Variants in PLAA observed in about 807,000 individuals in gnomAD.
PLAA encodes the protein phospholipase A2 activating protein, also known as phospholipase A-2-activating protein.
PLAA carries 48 observed loss-of-function variants against 84.1 expected under a neutral mutation model. The observed-to-expected ratio is 0.57, with a 90% CI of 0.45 to 0.73. PLAA has a LOEUF of 0.73. Among genes scored for constraint, PLAA ranks in the 30% least tolerant of loss-of-function variants. The probability of loss-of-function intolerance (pLI) is 0.00; values close to 1 mark genes in which losing one functional copy is unlikely to be tolerated. For missense variants in PLAA, 903 were observed against 954.7 expected (o/e 0.95, Z 0.71); for synonymous variants, 392 against 336.6 (o/e 1.16, Z -1.80).
At chr9:26,917,274 C>T in intron 9 of PLAA, 109 bp from the exon 10 acceptor site, 1 of 789,252 alleles carries the variant, frequency 1.3e-6, no homozygotes, top group Admixed American at 2.4e-5. Context: ...AACAGAAGAG[C>T]AAAACTTTCA....
At chr9:26,942,296 G>A (rs1391106254) in intron 1 of PLAA, among the ~76,000 whole-genome samples, 1 of 152,180 alleles carries the variant, frequency 6.6e-6, no homozygotes, top group African/African-American at 2.4e-5. Flanking sequence ...CAAAAAAGTT[G>A]TTTTGGAAAC....
chr9:26,921,565 G>A (rs1206305633), intron 7 of PLAA, among the ~76,000 whole-genome samples: 1 of 152,196 alleles, frequency 6.6e-6, no homozygotes. Flanking sequence ...TTGAAAAAGA[G>A]AAGACAAGTC....
In PLAA at chr9:26,940,573, G is replaced by A. The variant is rs557807717; in HGVS notation, c.150-5367C>T. On this transcript the variant is annotated intron_variant, in intron 1 of 13. Coordinates refer to ENST00000397292, the MANE Select transcript of PLAA (RefSeq NM_001031689.3). ...AAAAAGAGTTAAAAGATGGATGGTG[G>A]TGATGGTTACACATTATGAATATAC... 2.9e-3 allele frequency among the ~76,000 whole-genome samples: 445 copies of A among 152,282 alleles called. 4 individuals carry two copies. Among genetic ancestry groups the A allele is most frequent in the African/African-American group, 0.01 (433 of 41,566 alleles).
At chr9:26,930,373 G>C (rs1046800454) in intron 2 of PLAA, among the ~76,000 whole-genome samples, 1 of 152,100 alleles carries the variant, frequency 6.6e-6, no homozygotes, top group Non-Finnish European at 1.5e-5. Flanking sequence ...CAAGTGCTGG[G>C]ATTACAGGCA....
rs1824179414 is a variant in PLAA at position 26,904,869 on chromosome 9, A to G, written c.*642T>C. On this transcript the variant is annotated 3_prime_UTR_variant, in exon 14 of 14. Coordinates refer to ENST00000397292, the MANE Select transcript of PLAA (RefSeq NM_001031689.3). Reference sequence around the variant, plus strand: ...AAACTGGATCTAAGCCTGGAGTTAAATTGAGACCTCGTCTGTCTGAACTGA... The same window carrying G: ...AAACTGGATCTAAGCCTGGAGTTAAGTTGAGACCTCGTCTGTCTGAACTGA... 2 of 152,340 alleles carry G rather than the reference A, an allele frequency of 1.3e-5. No homozygotes were observed. The highest frequency in any genetic ancestry group is 4.1e-4 in the South Asian group (2 of 4,828). The allele number at this position is 152,340 out of a possible 1,614,324, so 9.4% of individuals were successfully genotyped here.
intron 7 of PLAA, among the ~76,000 whole-genome samples, chr9:26,920,901 G>A (rs111828866): frequency 0.048 from 7,280 of 151,984 alleles, 206 homozygotes; most frequent in South Asian, 0.099. Flanking sequence ...TTGATTCAAC[G>A]GCCTCTTTCC....
chr9:26,929,929 T>G (rs1160943847), intron 2 of PLAA, among the ~76,000 whole-genome samples: 1 of 152,146 alleles, frequency 6.6e-6, no homozygotes, highest in Non-Finnish European at 1.5e-5. Context: ...CCTCCTCCAT[T>G]TGAAGTTAGG....
intron 5 of PLAA, 36 bp from the exon 6 acceptor site, chr9:26,925,996 TA>T: frequency 1.3e-6 from 2 of 1,546,670 alleles, no homozygotes; most frequent in African/African-American, 1.4e-5. Flanking sequence ...TTAGTTTGAA[TA>T]AAATTAAGTA....
chr9:26,946,652 G>C (rs1027929595), intron 1 of PLAA, among the ~76,000 whole-genome samples: 10 of 152,230 alleles, frequency 6.6e-5, no homozygotes, highest in African/African-American at 2.4e-5. Context: ...AAAGGTAGGA[G>C]ACTCGTCTGT....
chr9:26,922,184 T>C (rs1014879571), intron 7 of PLAA, among the ~76,000 whole-genome samples: 2 of 152,192 alleles, frequency 1.3e-5, no homozygotes, highest in South Asian at 4.1e-4. Context: ...ACCCGGAATA[T>C]TTAAAAAGAT....
chr9:26,929,264 A>C (rs573547781), intron 2 of PLAA, among the ~76,000 whole-genome samples: 1 of 152,000 alleles, frequency 6.6e-6, no homozygotes, highest in South Asian at 2.1e-4. Flanking sequence ...TAATCCTAGC[A>C]TTTTGAACTG....
At chr9:26,913,050 CCATCTCAAAAGTAAT>C (rs1824446133) in intron 11 of PLAA, among the ~76,000 whole-genome samples, 1 of 151,958 alleles carries the variant, frequency 6.6e-6, no homozygotes, top group Non-Finnish European at 1.5e-5. Flanking sequence ...AAACAAGATC[CCATCTCAAAAGTAAT>C]AAAAAATAAA....
Position 26,919,590 on chromosome 9 carries a change from A to G in PLAA, c.1198-61T>C, listed in dbSNP as rs1182638828. 2.4e-5 allele frequency: 21 copies of G among 875,432 alleles called. No homozygotes were observed. The East Asian group carries it at 5.1e-4, about 21-fold the overall frequency. The allele number at this position is 875,432 out of a possible 1,614,324, so 54.2% of individuals were successfully genotyped here. ...TTATCTGTTCACATATATTAATGAC[A>G]TATACAACATAACACAGATGTGTTC... On this transcript the variant is annotated intron_variant, in intron 8 of 13. Transcript: ENST00000397292.
chr9:26,910,307 A>G (rs1824359834), intron 12 of PLAA, 31 bp downstream of exon 12: 1 of 1,480,542 alleles, frequency 6.8e-7, no homozygotes, highest in Non-Finnish European at 9.4e-7. Context: ...CAGTCTGTGA[A>G]TATGTGAATA....
In PLAA at chr9:26,905,446, A is replaced by T; in HGVS notation, c.*65T>A. The T allele has an allele frequency of 8.9e-7, 1 of 1,127,854 alleles. No individual in the cohort carries two copies. 69.9% of individuals were successfully genotyped at this position (1,127,854 alleles called of 1,614,324 possible). A position where few individuals can be genotyped will look rare whatever the true frequency, so the allele number is the denominator to read the frequency against. On this transcript the variant is annotated 3_prime_UTR_variant, in exon 14 of 14. Coordinates refer to ENST00000397292, the MANE Select transcript of PLAA (RefSeq NM_001031689.3). ...TCTCTTTTTTTAATTATCTGTTATC[A>T]GTCATGTCAAATGTGAGGAAAAAAA...
Position 26,903,670 on chromosome 9 carries a change from CATTAA to C in PLAA, c.*1836_*1840del, listed in dbSNP as rs1824146592. 1.3e-5 allele frequency among the ~76,000 whole-genome samples: 2 copies of C among 152,030 alleles called. No homozygotes were observed. Among genetic ancestry groups the C allele is most frequent in the Non-Finnish European group, 2.9e-5 (2 of 67,980 alleles). ...CTAAAAAAGAAAATCTTTAAAATAT[CATTAA>C]ATTATTTAACATATCCTTCAAGTGA... is the stretch of plus-strand genomic sequence containing the variant. On this transcript the variant is annotated 3_prime_UTR_variant, in exon 14 of 14. Coordinates refer to ENST00000397292, the MANE Select transcript of PLAA (RefSeq NM_001031689.3).
rs1173878418 is a variant in PLAA, at chr9:26,947,076, G to A, written c.-31C>T. ...GTGTCTGTCTGGCGCCCGGTGCCCA[G>A]GCACTGTGCGAGACCAGTCCGCAGG... On this transcript the variant is annotated 5_prime_UTR_variant, in exon 1 of 14. Transcript: ENST00000397292. The A allele has an allele frequency of 2.6e-6, 4 of 1,541,122 alleles. No homozygotes were observed. The highest frequency in any genetic ancestry group is 1.7e-4 in the Middle Eastern group (1 of 5,784).
chr9:26,946,020 G>C (rs1825693558), intron 1 of PLAA, among the ~76,000 whole-genome samples: 1 of 152,164 alleles, frequency 6.6e-6, no homozygotes, highest in South Asian at 2.1e-4. Flanking sequence ...CAACTTGTCT[G>C]TCTTTATTCC....
intron 2 of PLAA, 101 bp from the exon 3 acceptor site, chr9:26,928,509 G>A (rs1175168531): frequency 1.2e-6 from 1 of 819,726 alleles, no homozygotes; most frequent in South Asian, 1.5e-5. Flanking sequence ...TCTTTGAAGT[G>A]GCAGTATCTT....
Sources: gnomAD v4.1 joint callset for allele counts (sites outside exome capture counted in the v4.1 genomes callset) on GRCh38, gnomAD v4.1.1 for gene constraint, MANE v1.5 for transcripts, NCBI Gene and HGNC (gene_info 2026-07-23, HGNC 2026-07-21) for gene names.